The following KIF26B variants were observed in gnomAD, a reference collection of about 807,000 sequenced individuals.
KIF26B encodes the protein kinesin family member 26B, also known as kinesin-like protein KIF26B.
Under a neutral mutation model 151.2 loss-of-function variants are expected in KIF26B, and 63 were observed. The ratio of observed to expected loss-of-function variants is 0.42; its 90% CI spans 0.34 to 0.51. The LOEUF (loss-of-function observed/expected upper bound fraction) is 0.51. Among genes scored for constraint, KIF26B ranks in the 20% least tolerant of loss-of-function variants. The pLI, the probability that KIF26B is intolerant of heterozygous loss-of-function variation, is 0.07. For synonymous variants in KIF26B, 1,357 were observed against 1,262.1 expected, an observed-to-expected ratio of 1.08 and a Z score of -1.59; for missense variants, 2,813 against 2,913.6, an observed-to-expected ratio of 0.97 and a Z score of 0.79.
chr1:245,685,229 A>C (rs2044493909), intron 11 of KIF26B, among the ~76,000 whole-genome samples, 176 bp from the exon 12 acceptor site: 1 of 152,196 alleles, frequency 6.6e-6, no homozygotes, highest in African/African-American at 2.4e-5. Flanking sequence ...TGCAGTGGTG[A>C]TGTGACACCG....
intron 4 of KIF26B, among the ~76,000 whole-genome samples, chr1:245,423,772 T>C (rs1335990524): frequency 6.6e-6 from 1 of 152,194 alleles, no homozygotes; most frequent in Admixed American, 6.5e-5. Context: ...ATAGCGTCGC[T>C]CTCATTCATG....
rs949231794 is a variant in KIF26B, at chr1:245,667,632, C to T, written c.2259-16601C>T. ...TACTTATAGAAAGACGACTTTATGC[C>T]GGACACTGTGTTAGGTCCTGGCTAT... On this transcript the variant is annotated intron_variant, in intron 10 of 14. Coordinates refer to ENST00000407071, the MANE Select transcript of KIF26B (RefSeq NM_018012.4). This position sits in a 1 kb window ranked among gnomAD's most constrained non-coding sequence, Gnocchi z 4.3. 2.0e-5 allele frequency among the ~76,000 whole-genome samples: 3 copies of T among 152,112 alleles called. No individual in the cohort carries two copies. Among genetic ancestry groups the T allele is most frequent in the Non-Finnish European group, 2.9e-5 (2 of 68,028 alleles).
At chr1:245,192,749 G>C (rs546083484) in intron 2 of KIF26B, among the ~76,000 whole-genome samples, 1 of 152,212 alleles carries the variant, frequency 6.6e-6, no homozygotes, top group African/African-American at 2.4e-5. Context: ...TAGTATACTT[G>C]ACTTCTTCTA....
intron 9 of KIF26B, among the ~76,000 whole-genome samples, 163 bp downstream of exon 9, chr1:245,612,139 T>C (rs1222533624): frequency 6.7e-6 from 1 of 149,452 alleles, no homozygotes; most frequent in African/African-American, 2.5e-5. Context: ...AGACAGGGTC[T>C]TGCTCTGTCA....
chr1:245,541,289 C>G (rs1319019314), intron 5 of KIF26B, among the ~76,000 whole-genome samples: 2 of 152,178 alleles, frequency 1.3e-5, no homozygotes, highest in Non-Finnish European at 2.9e-5. Flanking sequence ...GCACAAGGTA[C>G]AGAAATGAGA....
chr1:245,541,786 A>G (rs1485026801), intron 5 of KIF26B, among the ~76,000 whole-genome samples: 3 of 152,192 alleles, frequency 2.0e-5, no homozygotes, highest in Non-Finnish European at 4.4e-5. Flanking sequence ...GCTCCGGAGC[A>G]ACTACTAAAC....
chr1:245,561,317 A>T (rs2042947177), intron 5 of KIF26B, among the ~76,000 whole-genome samples: 1 of 152,200 alleles, frequency 6.6e-6, no homozygotes, highest in Non-Finnish European at 1.5e-5. Context: ...TACAGAGGGA[A>T]GCCATTTGGT....
At chr1:245,249,926 C>T (rs577447242) in intron 2 of KIF26B, among the ~76,000 whole-genome samples, 3 of 152,080 alleles carry the variant, frequency 2.0e-5, no homozygotes, top group Non-Finnish European at 4.4e-5. Flanking sequence ...TGTTATACCA[C>T]GAGACAGAAG....
At chr1:245,682,275 G>A (rs949777242) in intron 10 of KIF26B, among the ~76,000 whole-genome samples, 5 of 152,148 alleles carry the variant, frequency 3.3e-5, no homozygotes, top group African/African-American at 4.8e-5. Flanking sequence ...AAAAGTCATC[G>A]AAATGACAGA....
At position 245,531,109 on chromosome 1, in the gene KIF26B, C is replaced by T. The variant is rs1225545731; in HGVS notation, c.1167-9658C>T. 2.6e-5 allele frequency among the ~76,000 whole-genome samples: 4 copies of T among 152,216 alleles called. No individual in the cohort carries two copies. In the East Asian group the frequency reaches 5.8e-4, roughly 22 times the overall value. On this transcript the variant is annotated intron_variant, in intron 4 of 14. Transcript: ENST00000407071. The stretch of plus-strand genomic sequence containing the variant: ...CTAACTCACTGTACTGAGACATTTT[C>T]CCCCTATAATATGGAGATATGTTGC...
intron 2 of KIF26B, among the ~76,000 whole-genome samples, chr1:245,164,644 T>C (rs1182666814): frequency 6.6e-6 from 1 of 152,118 alleles, no homozygotes; most frequent in Non-Finnish European, 1.5e-5. Flanking sequence ...TTTGTATGAG[T>C]GCGTGACAGG....
At chr1:245,566,030 C>T (rs942907577) in intron 5 of KIF26B, among the ~76,000 whole-genome samples, 1 of 152,196 alleles carries the variant, frequency 6.6e-6, no homozygotes, top group Non-Finnish European at 1.5e-5. Context: ...ACTAACTGAG[C>T]GAGAGCTCAC....
rs991570656 is a variant in KIF26B, at chr1:245,358,884, G to A, written c.466-7950G>A. Among the ~76,000 whole-genome samples, 3 of 152,160 alleles carry A rather than the reference G, an allele frequency of 2.0e-5. No individual in the cohort carries two copies. The highest frequency in any genetic ancestry group is 4.4e-5 in the Non-Finnish European group (3 of 68,028). On this transcript the variant is annotated intron_variant, in intron 2 of 14. Coordinates refer to ENST00000407071, the MANE Select transcript of KIF26B (RefSeq NM_018012.4). The surrounding 1 kb of genome is among the most constrained non-coding windows in gnomAD (Gnocchi z 4.1). ...AAGTTAAGGGAAACATTTTAAGTAC[G>A]TAGTAGGAATCTACTTTCCCATCTT...
At chr1:245,439,951 G>T (rs567375079) in intron 4 of KIF26B, among the ~76,000 whole-genome samples, 11 of 152,348 alleles carry the variant, frequency 7.2e-5, no homozygotes, top group African/African-American at 2.6e-4. Flanking sequence ...GCCAGGTGCG[G>T]TGGCTCACGC....
intron 4 of KIF26B, among the ~76,000 whole-genome samples, chr1:245,515,614 T>C (rs1456085696): frequency 6.6e-6 from 1 of 152,244 alleles, no homozygotes; most frequent in Non-Finnish European, 1.5e-5. Context: ...AATATTTTAG[T>C]TGGTTTCTCA....
chr1:245,428,700 G>A (rs568595890), intron 4 of KIF26B, among the ~76,000 whole-genome samples: 1 of 152,252 alleles, frequency 6.6e-6, no homozygotes, highest in East Asian at 1.9e-4. Flanking sequence ...TTCTGCTGCA[G>A]GGAATGTGGT....
intron 3 of KIF26B, among the ~76,000 whole-genome samples, chr1:245,378,280 A>G (rs892775277): frequency 7.0e-6 from 1 of 143,840 alleles, no homozygotes; most frequent in African/African-American, 2.5e-5. Context: ...CTTAGTTACT[A>G]GTAATAGTTA....
chr1:245,251,047 G>A (rs59474428), intron 2 of KIF26B, among the ~76,000 whole-genome samples: 18,094 of 152,158 alleles, frequency 0.12, 1,171 homozygotes, highest in Middle Eastern at 0.15. Context: ...GACACACTTC[G>A]TTTCCCCAGC....
rs777842756 is a variant in KIF26B, at chr1:245,702,512, A to G, written c.6233A>G (p.Glu2078Gly). ...TCCCTGGAGTACCTGGAGGCACTGG[A>G]GTGTGTGACGGAGCGCCTGGAGAGC... ...LDSLEYLEAL[E>G]CVTERLESRV... Residue 2078 changes from glutamate to glycine, a missense_variant, in exon 15 of 15, where the codon GAG becomes GGG. Physicochemically the swap from Glu to Gly is moderately conservative, Grantham distance 98. Transcript: ENST00000407071. This position sits in a 1 kb window ranked among gnomAD's most constrained non-coding sequence, Gnocchi z 4.1. 1.9e-6 allele frequency: 3 copies of G among 1,613,772 alleles called. 1 individual carries two copies. The South Asian group carries it at 3.3e-5, about 18-fold the overall frequency.
Sources: allele counts gnomAD v4.1 joint callset (sites outside exome capture counted in the v4.1 genomes callset), GRCh38; gene constraint gnomAD v4.1.1; non-coding constraint Gnocchi (gnomAD v3.1); transcripts MANE v1.5; gene names NCBI Gene and HGNC (gene_info 2026-07-23, HGNC 2026-07-21).